The following RASGRP3 variants were observed in gnomAD, a reference collection of about 807,000 sequenced individuals.
RASGRP3 encodes RAS guanyl releasing protein 3, also known as ras guanyl-releasing protein 3.
In RASGRP3, 54 loss-of-function variants were observed where a neutral mutation model predicts 82.7. That is an observed-to-expected ratio of 0.65 (90% CI 0.52 to 0.82). The LOEUF (loss-of-function observed/expected upper bound fraction) is 0.82. RASGRP3 is among the 40% of genes least tolerant of loss of function. RASGRP3 has a pLI of 0.00. For missense variants in RASGRP3, 861 were observed against 828.9 expected (o/e 1.04, Z -0.48); for synonymous variants, 309 against 300.5 (o/e 1.03, Z -0.29).
intron 1 of RASGRP3, among the ~76,000 whole-genome samples, chr2:33,510,521 A>AT (rs1300922350): frequency 2.6e-5 from 4 of 152,002 alleles, no homozygotes; most frequent in African/African-American, 7.2e-5. Context: ...GTGTCATCGT[A>AT]TTTTTTCTTC....
At chr2:33,444,226 A>G (rs1665384743) in intron 1 of RASGRP3, among the ~76,000 whole-genome samples, 1 of 152,008 alleles carries the variant, frequency 6.6e-6, no homozygotes, top group African/African-American at 2.4e-5. Context: ...GGATTGCTTG[A>G]GCCCAGTATT....
chr2:33,524,467 G>A lies in RASGRP3; in HGVS notation c.726G>A (p.Met242Ile). The A allele has an allele frequency of 2.5e-6, 4 of 1,605,252 alleles. No individual in the cohort carries two copies. The highest frequency in any genetic ancestry group is 3.4e-6 in the Non-Finnish European group (4 of 1,175,676). ...LLQLKNFNTL[M>I]AVVGGLSHSS... Reference sequence around the variant, plus strand: ...AGCTCAAAAATTTTAACACCCTGATGGCAGTGGTGGGAGGCCTCAGTCATA... The same window carrying A: ...AGCTCAAAAATTTTAACACCCTGATAGCAGTGGTGGGAGGCCTCAGTCATA... Residue 242 changes from methionine (M) to isoleucine (I), a missense_variant, in exon 9 of 18, where the codon ATG (methionine) becomes ATA (isoleucine). By Grantham distance (10) the Met-to-Ile change is conservative (BLOSUM62 1). Coordinates refer to ENST00000403687, the MANE Select transcript of RASGRP3 (RefSeq NM_001139488.2).
At chr2:33,456,446 T>C (rs1666040453) in intron 2 of RASGRP3, among the ~76,000 whole-genome samples, 1 of 152,236 alleles carries the variant, frequency 6.6e-6, no homozygotes, top group Admixed American at 6.5e-5. Context: ...TCTTTTGTTT[T>C]AGTGGTGGTA....
intron 14 of RASGRP3, among the ~76,000 whole-genome samples, chr2:33,551,248 G>C (rs2005373): frequency 0.13 from 19,168 of 152,058 alleles, 2,130 homozygotes; most frequent in African/African-American, 0.3. Context: ...GGGAGGCAGA[G>C]GTTGCACTGG....
At position 33,555,969 on chromosome 2, in the gene RASGRP3, A is replaced by G. The variant is rs542679371; in HGVS notation, c.1579+402A>G. On this transcript the variant is annotated intron_variant, in intron 15 of 17. Transcript: ENST00000403687. ...ACTTAGCTATTCCTTTCTCTACTAA[A>G]TCACATAGATGGTGACAAAAAACGA... 1.6e-3 allele frequency among the ~76,000 whole-genome samples: 245 copies of G among 152,358 alleles called. 2 individuals carry two copies. The highest frequency in any genetic ancestry group is 5.7e-3 in the African/African-American group (239 of 41,582).
chr2:33,547,342 C>CTTTTTTTTTTTTTTTTTTTTTTTTTTT (rs59601670), intron 13 of RASGRP3, among the ~76,000 whole-genome samples: 7 of 68,208 alleles, frequency 1.0e-4, no homozygotes, highest in South Asian at 8.4e-4. Context: ...ATATAGAATC[C>CTTTTTTTTTTTTTTTTTTTTTTTTTTT]TTTTTTTTTT....
chr2:33,554,138 G>T (rs1267248383), intron 14 of RASGRP3, among the ~76,000 whole-genome samples: 1 of 152,196 alleles, frequency 6.6e-6, no homozygotes, highest in Non-Finnish European at 1.5e-5. Flanking sequence ...TCAAAAAGAA[G>T]TAAGGAGCAG....
rs1272663713 is a variant in RASGRP3, at chr2:33,559,000, T to TGAA, written c.2036_2038dup (p.Glu679dup). On this transcript the variant is annotated inframe_insertion, in exon 17 of 18. Coordinates refer to ENST00000403687, the MANE Select transcript of RASGRP3 (RefSeq NM_001139488.2). ...GCACGGAGTTTGAACTTGACCAGGA[T>TGAA]GAAGGAGAAGAGACCAGACAGGATG... is the stretch of plus-strand genomic sequence containing the variant. 4 of 1,612,642 alleles carry TGAA rather than the reference T, an allele frequency of 2.5e-6. No individual in the cohort carries two copies. The African/African-American group carries it at 5.3e-5, about 22-fold the overall frequency.
At chr2:33,558,190 G>T in intron 15 of RASGRP3, 21 bp from the exon 16 acceptor site, 2 of 1,605,982 alleles carry the variant, frequency 1.2e-6, no homozygotes, top group South Asian at 1.1e-5. Flanking sequence ...AATCATCTGC[G>T]ACACCCTTGG....
chr2:33,460,727 C>G (rs1666316515), intron 2 of RASGRP3, among the ~76,000 whole-genome samples: 1 of 152,074 alleles, frequency 6.6e-6, no homozygotes, highest in Non-Finnish European at 1.5e-5. Flanking sequence ...GTTGCCTAGG[C>G]TGGTCTTGAA....
intron 1 of RASGRP3, among the ~76,000 whole-genome samples, chr2:33,446,057 G>C (rs569238636): frequency 1.3e-5 from 2 of 152,142 alleles, no homozygotes; most frequent in Non-Finnish European, 2.9e-5. Context: ...GTTAAACTTT[G>C]TGCTTGCCTT....
chr2:33,548,787 A>G (rs996600280), intron 13 of RASGRP3, among the ~76,000 whole-genome samples: 2 of 150,330 alleles, frequency 1.3e-5, no homozygotes, highest in African/African-American at 4.9e-5. Flanking sequence ...GCTCACTGCA[A>G]TCTCTGCCTC....
intron 8 of RASGRP3, 78 bp from the exon 9 acceptor site, chr2:33,524,354 G>A (rs940712578): frequency 6.3e-6 from 6 of 945,156 alleles, no homozygotes; most frequent in South Asian, 5.0e-5. Flanking sequence ...TTAAAATTGT[G>A]CATAAATTTA....
intron 2 of RASGRP3, among the ~76,000 whole-genome samples, chr2:33,457,435 GCC>G (rs1666098994): frequency 1.3e-5 from 2 of 151,670 alleles, no homozygotes; most frequent in African/African-American, 4.8e-5. Context: ...GTTTTTTTCA[GCC>G]CACTTTTTAA....
At position 33,524,476 on chromosome 2, in the gene RASGRP3, G is replaced by A; in HGVS notation, c.735G>A (p.Val245=). The A allele has an allele frequency of 3.7e-6, 6 of 1,606,042 alleles. No individual in the cohort carries two copies. Among genetic ancestry groups the A allele is most frequent in the Non-Finnish European group, 5.1e-6 (6 of 1,176,120 alleles). The part of the protein sequence containing the change: ...LKNFNTLMAV[V]GGLSHSSISR... Reference sequence around the variant, plus strand: ...ATTTTAACACCCTGATGGCAGTGGTGGGAGGCCTCAGTCATAGTTCCATTT... The same window carrying A: ...ATTTTAACACCCTGATGGCAGTGGTAGGAGGCCTCAGTCATAGTTCCATTT... Residue 245 remains valine, a synonymous_variant, in exon 9 of 18, where the codon GTG becomes GTA. Transcript: ENST00000403687.
At chr2:33,536,621 T>C (rs1673639238) in intron 11 of RASGRP3, among the ~76,000 whole-genome samples, 2 of 152,220 alleles carry the variant, frequency 1.3e-5, no homozygotes, top group African/African-American at 2.4e-5. Context: ...TTTTTATTTG[T>C]TGTAAGAGTA....
chr2:33,515,323 C>A, intron 3 of RASGRP3, 117 bp downstream of exon 3: 3 of 1,058,430 alleles, frequency 2.8e-6, no homozygotes, highest in Non-Finnish European at 4.3e-6. Flanking sequence ...GTATTTAAGG[C>A]CTTTCGGATG....
intron 2 of RASGRP3, among the ~76,000 whole-genome samples, chr2:33,453,999 T>C (rs896947931): frequency 2.0e-5 from 3 of 152,234 alleles, no homozygotes; most frequent in Non-Finnish European, 4.4e-5. Context: ...TGAAGTTGTC[T>C]CTGTGGATTG....
intron 17 of RASGRP3, among the ~76,000 whole-genome samples, chr2:33,559,998 T>C (rs181900738): frequency 6.6e-6 from 1 of 152,358 alleles, no homozygotes; most frequent in East Asian, 1.9e-4. Flanking sequence ...ACAAGGTTTA[T>C]TGTAAGTTTC....
Sources: allele counts gnomAD v4.1 joint callset (sites outside exome capture counted in the v4.1 genomes callset), GRCh38; gene constraint gnomAD v4.1.1; transcripts MANE v1.5; gene names NCBI Gene and HGNC (gene_info 2026-07-23, HGNC 2026-07-21).